Variants in CAMK1D observed in about 807,000 individuals in gnomAD.
The protein encoded by CAMK1D is calcium/calmodulin dependent protein kinase ID.
In CAMK1D, 9 loss-of-function variants were observed where a neutral mutation model predicts 47.7. The ratio of observed to expected loss-of-function variants is 0.19; its 90% CI spans 0.11 to 0.33. The LOEUF is 0.33. Ranked by LOEUF, CAMK1D falls within the 10% of genes least tolerant of loss-of-function variation. The probability of loss-of-function intolerance (pLI) is 1.00; values close to 1 mark genes in which losing one functional copy is unlikely to be tolerated. For missense variants in CAMK1D, 291 were observed against 488.7 expected (o/e 0.60, Z 3.81); for synonymous variants, 184 against 184.9 (o/e 0.99, Z 0.04).
chr10:12,422,871 C>T (rs898784328), intron 1 of CAMK1D, among the ~76,000 whole-genome samples: 1 of 151,974 alleles, frequency 6.6e-6, no homozygotes, highest in East Asian at 1.9e-4. Flanking sequence ...CGGGGTTCCT[C>T]CATGTTGATC....
chr10:12,709,654 A>G (rs1833863570), intron 3 of CAMK1D, among the ~76,000 whole-genome samples: 1 of 152,218 alleles, frequency 6.6e-6, no homozygotes, highest in Admixed American at 6.5e-5. Context: ...GTCACCCGAT[A>G]TCTTGTATAG....
intron 7 of CAMK1D, 50 bp from the exon 8 acceptor site, chr10:12,816,200 C>T (rs1396042537): frequency 6.7e-7 from 1 of 1,496,858 alleles, no homozygotes; most frequent in East Asian, 2.3e-5. Flanking sequence ...CATATTGTCA[C>T]ATCTCAAGTC....
intron 1 of CAMK1D, among the ~76,000 whole-genome samples, chr10:12,370,995 G>T (rs1837985816): frequency 6.6e-6 from 1 of 152,034 alleles, no homozygotes; most frequent in Non-Finnish European, 1.5e-5. Context: ...TTATTTTTTT[G>T]CAGCTATACA....
intron 1 of CAMK1D, among the ~76,000 whole-genome samples, chr10:12,486,367 C>A (rs1834216202): frequency 6.6e-6 from 1 of 152,178 alleles, no homozygotes; most frequent in South Asian, 2.1e-4. Context: ...ACTGTGTTAG[C>A]CAGGATGGTC....
At chr10:12,542,576 G>T (rs1188174663) in intron 1 of CAMK1D, among the ~76,000 whole-genome samples, 2 of 152,150 alleles carry the variant, frequency 1.3e-5, no homozygotes, top group African/African-American at 2.4e-5. Context: ...CTTGTTAAAA[G>T]TCAGAGGAGT....
chr10:12,607,346 A>AT (rs1263633832), intron 2 of CAMK1D, among the ~76,000 whole-genome samples: 2 of 152,222 alleles, frequency 1.3e-5, no homozygotes, highest in Admixed American at 6.5e-5. Flanking sequence ...GCTGTATGAG[A>AT]ACCTCCTAGT....
intron 3 of CAMK1D, among the ~76,000 whole-genome samples, chr10:12,712,915 T>C (rs1429088357): frequency 6.6e-6 from 1 of 152,124 alleles, no homozygotes; most frequent in African/African-American, 2.4e-5. Context: ...TCATTGTCAG[T>C]TCCATACCTG....
At chr10:12,446,193 G>A (rs2132022826) in intron 1 of CAMK1D, among the ~76,000 whole-genome samples, 1 of 152,308 alleles carries the variant, frequency 6.6e-6, no homozygotes, top group South Asian at 2.1e-4. Context: ...TAAAGTGCAA[G>A]CAAGTTTATT....
chr10:12,804,925 T>A, intron 6 of CAMK1D, among the ~76,000 whole-genome samples: 1 of 81,886 alleles, frequency 1.2e-5, no homozygotes, highest in Non-Finnish European at 2.2e-5. Flanking sequence ...ATGATAAAGC[T>A]AGACCCTGTC....
At chr10:12,388,315 C>T (rs558293792) in intron 1 of CAMK1D, among the ~76,000 whole-genome samples, 135 of 152,326 alleles carry the variant, frequency 8.9e-4, no homozygotes, top group Non-Finnish European at 1.5e-3. Flanking sequence ...GTGTGAGCCA[C>T]CGTGCCCGGC....
intron 1 of CAMK1D, among the ~76,000 whole-genome samples, chr10:12,407,830 A>T (rs546900937): frequency 6.6e-6 from 1 of 151,004 alleles, no homozygotes; most frequent in South Asian, 2.1e-4. Context: ...TTCCTCCTCA[A>T]GGGTGTGATT....
intron 1 of CAMK1D, among the ~76,000 whole-genome samples, chr10:12,377,475 A>G (rs1352927754): frequency 6.6e-6 from 1 of 152,214 alleles, no homozygotes; most frequent in African/African-American, 2.4e-5. Flanking sequence ...CTTGAAGCTC[A>G]ATGTTCTTCC....
intron 6 of CAMK1D, among the ~76,000 whole-genome samples, chr10:12,813,762 CTTCTTTTCTTTT>C (rs1266177273): frequency 6.6e-6 from 1 of 151,508 alleles, no homozygotes; most frequent in Non-Finnish European, 1.5e-5. Flanking sequence ...CTTTTTCTTT[CTTCTTTTCTTTT>C]TTCTGAGACA....
At chr10:12,547,700 A>ACACACACACACACACACACC (rs1564404479) in intron 1 of CAMK1D, among the ~76,000 whole-genome samples, 2 of 122,920 alleles carry the variant, frequency 1.6e-5, no homozygotes, top group African/African-American at 6.1e-5. Flanking sequence ...ACACACACAC[A>ACACACACACACACACACACC]CCACTGTGTT....
chr10:12,817,939 T>A (rs562321028), intron 8 of CAMK1D, among the ~76,000 whole-genome samples: 10 of 152,298 alleles, frequency 6.6e-5, no homozygotes, highest in Non-Finnish European at 1.3e-4. Flanking sequence ...TCCACCTGTT[T>A]CGGCCTCCCA....
intron 3 of CAMK1D, among the ~76,000 whole-genome samples, chr10:12,672,424 A>G (rs1438475703): frequency 1.3e-5 from 2 of 152,044 alleles, no homozygotes; most frequent in Non-Finnish European, 2.9e-5. Flanking sequence ...GCCTGAGTAC[A>G]GTGGTGCAAT....
chr10:12,354,610 C>A (rs1470762850), intron 1 of CAMK1D, among the ~76,000 whole-genome samples: 1 of 151,818 alleles, frequency 6.6e-6, no homozygotes, highest in East Asian at 1.9e-4. Context: ...CGGGATTTCA[C>A]CATTTTGGCC....
chr10:12,665,599 G>C (rs1840403878), intron 2 of CAMK1D, among the ~76,000 whole-genome samples: 1 of 152,224 alleles, frequency 6.6e-6, no homozygotes, highest in African/African-American at 2.4e-5. Flanking sequence ...ATTTCAATGA[G>C]AGGCTTATGG....
intron 2 of CAMK1D, among the ~76,000 whole-genome samples, chr10:12,637,448 G>A (rs1483260435): frequency 1.3e-5 from 2 of 152,172 alleles, no homozygotes; most frequent in African/African-American, 2.4e-5. Context: ...GACAGCCTCT[G>A]CGTCTTTCTT....
Sources: gnomAD v4.1 joint callset for allele counts (sites outside exome capture counted in the v4.1 genomes callset) on GRCh38, gnomAD v4.1.1 for gene constraint, MANE v1.5 for transcripts, NCBI Gene and HGNC (gene_info 2026-07-23, HGNC 2026-07-21) for gene names.